The following SLC39A12 variants were observed in gnomAD, a reference collection of about 807,000 sequenced individuals.
SLC39A12 encodes the protein solute carrier family 39 member 12, also known as zinc transporter ZIP12.
Under a neutral mutation model 71.1 loss-of-function variants are expected in SLC39A12, and 63 were observed. The ratio of observed to expected loss-of-function variants is 0.89; its 90% CI spans 0.72 to 1.09. The LOEUF (loss-of-function observed/expected upper bound fraction) is 1.09. Ranked by LOEUF, SLC39A12 falls within the 50% of genes least tolerant of loss-of-function variation. The pLI is 0.00. For synonymous variants in SLC39A12, 351 were observed against 301.3 expected, an observed-to-expected ratio of 1.16 and a Z score of -1.71; for missense variants, 892 against 812.6, an observed-to-expected ratio of 1.10 and a Z score of -1.19.
chr10:18,012,843 G>A (rs113790611), intron 12 of SLC39A12, among the ~76,000 whole-genome samples: 4,432 of 145,392 alleles, frequency 0.03, 241 homozygotes, highest in African/African-American at 0.11. Context: ...TCCAGCCTGG[G>A]TGACAAGGTG....
At chr10:18,014,103 T>C (rs999017656) in intron 12 of SLC39A12, among the ~76,000 whole-genome samples, 6 of 152,212 alleles carry the variant, frequency 3.9e-5, no homozygotes, top group Admixed American at 6.5e-5. Flanking sequence ...GTGAGATGTC[T>C]TTCCATTTAT....
In SLC39A12 at chr10:17,968,997, T is replaced by C. The variant is rs1834901627; in HGVS notation, c.751+3307T>C. ...CTATTCTCTATGTCCATGAGTTTGA[T>C]TGTTTTGATTTTTAGATCCCACAAA... On this transcript the variant is annotated intron_variant, in intron 4 of 12. Coordinates refer to ENST00000377369, the MANE Select transcript of SLC39A12 (RefSeq NM_001145195.2). Among the ~76,000 whole-genome samples the C allele has an allele frequency of 2.0e-5, 3 of 152,204 alleles. 1 individual carries two copies. The South Asian group carries it at 6.2e-4, about 32-fold the overall frequency.
intron 6 of SLC39A12, among the ~76,000 whole-genome samples, chr10:17,983,127 C>A (rs1260615680): frequency 7.3e-6 from 1 of 137,696 alleles, no homozygotes; most frequent in Non-Finnish European, 1.5e-5. Context: ...GAGGTCAGCA[C>A]CACTGCACTC....
At chr10:17,983,765 G>A (rs1321484379) in intron 6 of SLC39A12, among the ~76,000 whole-genome samples, 1 of 152,026 alleles carries the variant, frequency 6.6e-6, no homozygotes, top group Non-Finnish European at 1.5e-5. Context: ...CTGGGCGACA[G>A]GGAGAGACTC....
intron 12 of SLC39A12, among the ~76,000 whole-genome samples, chr10:18,022,957 G>C (rs1239306697): frequency 6.6e-6 from 1 of 152,198 alleles, no homozygotes; most frequent in South Asian, 2.1e-4. Context: ...GTGCTTAAGA[G>C]TAATGACCAG....
intron 2 of SLC39A12, among the ~76,000 whole-genome samples, chr10:17,959,729 T>C (rs1388064936): frequency 6.6e-6 from 1 of 152,218 alleles, no homozygotes; most frequent in Non-Finnish European, 1.5e-5. Context: ...AAGCTTCTGG[T>C]CCACAATTCC....
chr10:18,013,203 C>T (rs1177469644), intron 12 of SLC39A12, among the ~76,000 whole-genome samples: 1 of 151,176 alleles, frequency 6.6e-6, no homozygotes, highest in Admixed American at 6.6e-5. Flanking sequence ...AAGCATATTA[C>T]AGTAAGCTAA....
chr10:18,014,231 TG>T (rs1410043630), intron 12 of SLC39A12, among the ~76,000 whole-genome samples: 2 of 152,200 alleles, frequency 1.3e-5, no homozygotes, highest in Non-Finnish European at 2.9e-5. Context: ...TAAATACATT[TG>T]TTTTCGTTTC....
At chr10:18,001,882 A>G (rs1419091905) in intron 11 of SLC39A12, 1 of 151,054 alleles carries the variant, frequency 6.6e-6, no homozygotes, top group Non-Finnish European at 1.5e-5. Context: ...TGATGACTGT[A>G]GTCGTCCTGT....
chr10:18,017,060 A>G (rs147693092), intron 12 of SLC39A12, among the ~76,000 whole-genome samples: 235 of 152,274 alleles, frequency 1.5e-3, no homozygotes, highest in African/African-American at 5.5e-3. Context: ...GGGCAACTTG[A>G]ATCTATGCTC....
intron 12 of SLC39A12, among the ~76,000 whole-genome samples, chr10:18,011,474 A>G (rs531624711): frequency 1.3e-5 from 2 of 152,340 alleles, no homozygotes; most frequent in South Asian, 4.1e-4. Context: ...AGCATATAAA[A>G]TATGTGTTAA....
intron 4 of SLC39A12, among the ~76,000 whole-genome samples, chr10:17,967,371 G>C (rs1484220695): frequency 6.6e-6 from 1 of 152,116 alleles, no homozygotes; most frequent in East Asian, 1.9e-4. Context: ...TGCCTAGATT[G>C]ATTAATTATT....
At position 17,987,571 on chromosome 10, in the gene SLC39A12, T is replaced by C. The variant is rs1368770241; in HGVS notation, c.1189T>C (p.Tyr397His). The change falls in exon 7 of 13, where the codon TAC (tyrosine) becomes CAC (histidine). Residue 397 changes from tyrosine to histidine, a missense_variant. Physicochemically the swap from Tyr to His is moderately conservative, Grantham distance 83. Coordinates refer to ENST00000377369, the MANE Select transcript of SLC39A12 (RefSeq NM_001145195.2). The part of the protein sequence containing the change: ...LVLFHSCEEN[Y>H]RLILQLFVGL... ...CCTTTTCCATAGCTGTGAGGAGAAC[T>C]ACAGGCTTATCTTACAGCTGTTTGT... 3 of 1,614,020 alleles carry C rather than the reference T, an allele frequency of 1.9e-6. No individual in the cohort carries two copies. Among genetic ancestry groups the C allele is most frequent in the Non-Finnish European group, 2.5e-6 (3 of 1,180,044 alleles).
rs889355054 is a variant in SLC39A12, at chr10:18,041,541, C to T, written c.1948-1164C>T. On this transcript the variant is annotated intron_variant, in intron 12 of 12. Transcript: ENST00000377369. ...ATATATATATGTATATATATACACA[C>T]ACACACACACACACACGCACACATA... Among the ~76,000 whole-genome samples, 38 of 141,326 alleles carry T rather than the reference C, an allele frequency of 2.7e-4. 1 individual carries two copies. Among genetic ancestry groups the T allele is most frequent in the African/African-American group, 9.5e-4 (36 of 37,932 alleles). 92.7% of individuals were successfully genotyped at this position (141,326 alleles called of 152,430 possible).
intron 4 of SLC39A12, among the ~76,000 whole-genome samples, chr10:17,976,208 G>A (rs1835105492): frequency 6.6e-6 from 1 of 151,938 alleles, no homozygotes; most frequent in African/African-American, 2.4e-5. Context: ...GTGTCCTTGT[G>A]GGGAGATGAT....
At chr10:18,036,778 A>ATTTT (rs1837049343) in intron 12 of SLC39A12, among the ~76,000 whole-genome samples, 1 of 7,124 alleles carries the variant, frequency 1.4e-4, no homozygotes, top group African/African-American at 6.2e-4. Flanking sequence ...ATATATATAT[A>ATTTT]TATATATATA....
intron 12 of SLC39A12, chr10:18,009,792 A>T (rs1222013976): frequency 1.3e-5 from 2 of 152,186 alleles, no homozygotes; most frequent in Non-Finnish European, 2.9e-5. Context: ...TTTGAATATG[A>T]ATTTAAGATC....
rs578234199 is a variant in SLC39A12 at position 18,041,583 on chromosome 10, C to T, written c.1948-1122C>T. Among the ~76,000 whole-genome samples the T allele has an allele frequency of 1.9e-4, 25 of 133,038 alleles. 1 individual carries two copies. Among genetic ancestry groups the T allele is most frequent in the African/African-American group, 6.6e-4 (22 of 33,584 alleles). 87.3% of individuals were successfully genotyped at this position (133,038 alleles called of 152,430 possible). On this transcript the variant is annotated intron_variant, in intron 12 of 12. Coordinates refer to ENST00000377369, the MANE Select transcript of SLC39A12 (RefSeq NM_001145195.2). ...GCACACATACACACACACATACATA[C>T]ACACACCATATATATGTGTATATAT... is the stretch of plus-strand genomic sequence containing the variant.
intron 6 of SLC39A12, among the ~76,000 whole-genome samples, chr10:17,982,639 G>A (rs762962369): frequency 1.1e-4 from 17 of 152,126 alleles, no homozygotes; most frequent in Non-Finnish European, 2.2e-4. Context: ...ATAGTGAGCA[G>A]CCAAATAACT....
Sources: allele counts gnomAD v4.1 joint callset (sites outside exome capture counted in the v4.1 genomes callset), GRCh38; gene constraint gnomAD v4.1.1; transcripts MANE v1.5; gene names NCBI Gene and HGNC (gene_info 2026-07-23, HGNC 2026-07-21).